The following NRF1 variants were observed in gnomAD, a reference collection of about 807,000 sequenced individuals.
NRF1 encodes alpha palindromic-binding protein.
NRF1 carries 5 observed loss-of-function variants against 58.5 expected under a neutral mutation model. The ratio of observed to expected loss-of-function variants is 0.09; its 90% CI spans 0.04 to 0.18. The LOEUF is 0.18. NRF1 is among the 10% of genes least tolerant of loss of function. The pLI is 1.00. For missense variants in NRF1, 288 were observed against 657.7 expected (o/e 0.44, Z 6.15); for synonymous variants, 224 against 246.7 (o/e 0.91, Z 0.86).
chr7:129,752,839 G>A (rs773463159), intron 10 of NRF1, among the ~76,000 whole-genome samples: 2 of 152,216 alleles, frequency 1.3e-5, no homozygotes, highest in South Asian at 4.1e-4. Context: ...TGTAGGCCAA[G>A]GCCTGGCCCT....
chr7:129,716,840 G>A (rs535162224), intron 8 of NRF1, among the ~76,000 whole-genome samples: 7 of 150,704 alleles, frequency 4.6e-5, no homozygotes, highest in Admixed American at 3.3e-4. Flanking sequence ...ATTGCACTCC[G>A]GCTTGGGCGA....
intron 1 of NRF1, among the ~76,000 whole-genome samples, chr7:129,655,316 A>T (rs1395080474): frequency 1.3e-5 from 2 of 152,104 alleles, no homozygotes; most frequent in African/African-American, 4.8e-5. Context: ...GTAATTACTT[A>T]CTAGTTCCAG....
chr7:129,716,344 G>A (rs936460963), intron 8 of NRF1, among the ~76,000 whole-genome samples: 1 of 152,002 alleles, frequency 6.6e-6, no homozygotes, highest in Admixed American at 6.6e-5. Flanking sequence ...TAGACCCTTT[G>A]GACAAAGGGT....
chr7:129,703,932 C>T (rs1802892208), intron 5 of NRF1, among the ~76,000 whole-genome samples: 1 of 152,100 alleles, frequency 6.6e-6, no homozygotes, highest in South Asian at 2.1e-4. Flanking sequence ...ATTTCTCATC[C>T]AGAGATTTCT....
intron 1 of NRF1, among the ~76,000 whole-genome samples, chr7:129,651,239 T>C (rs1471152148): frequency 1.3e-5 from 2 of 151,934 alleles, no homozygotes; most frequent in Admixed American, 6.6e-5. Context: ...CTGGCTGATA[T>C]GGTAAAACCC....
At chr7:129,680,938 A>G (rs973824817) in intron 4 of NRF1, among the ~76,000 whole-genome samples, 2 of 152,230 alleles carry the variant, frequency 1.3e-5, no homozygotes, top group Admixed American at 1.3e-4. Flanking sequence ...TGGTATGACA[A>G]ACTAAATAAT....
chr7:129,714,449 G>A (rs983247324), intron 8 of NRF1, among the ~76,000 whole-genome samples: 2 of 152,174 alleles, frequency 1.3e-5, no homozygotes, highest in African/African-American at 4.8e-5. Flanking sequence ...CTAGCAGTAG[G>A]CAACAGCACT....
At chr7:129,650,598 G>A (rs969772466) in intron 1 of NRF1, among the ~76,000 whole-genome samples, 1 of 152,080 alleles carries the variant, frequency 6.6e-6, no homozygotes, top group African/African-American at 2.4e-5. Flanking sequence ...GGGTAGAATC[G>A]GGAAGACATA....
At chr7:129,644,604 C>T (rs994616004) in intron 1 of NRF1, among the ~76,000 whole-genome samples, 1 of 152,116 alleles carries the variant, frequency 6.6e-6, no homozygotes, top group Admixed American at 6.5e-5. Flanking sequence ...GTCAGTAGTC[C>T]ACATGTCCAG....
chr7:129,717,284 G>A lies in NRF1; in HGVS notation c.1131G>A (p.Glu377=). The change falls in exon 9 of 11, where the codon GAG becomes GAA. Residue 377 remains glutamate (E), a synonymous_variant. Coordinates refer to ENST00000393232, the MANE Select transcript of NRF1 (RefSeq NM_005011.5). ...CCATCCAGACGACGCAAGCATCAGA[G>A]GCCACCCAGGCGGTGGCATCGTTGG... ...EMTIQTTQAS[E]ATQAVASLAE... 1.2e-6 allele frequency: 2 copies of A among 1,613,970 alleles called. No individual in the cohort carries two copies. The highest frequency in any genetic ancestry group is 1.7e-6 in the Non-Finnish European group (2 of 1,179,916).
chr7:129,647,225 G>T (rs10274906), intron 1 of NRF1, among the ~76,000 whole-genome samples: 28,351 of 151,808 alleles, frequency 0.19, 2,913 homozygotes, highest in East Asian at 0.47. Context: ...CTTTAGTAGA[G>T]ACGGGGTTTT....
chr7:129,639,169 C>T (rs892486719), intron 1 of NRF1, among the ~76,000 whole-genome samples: 5 of 152,116 alleles, frequency 3.3e-5, no homozygotes, highest in Non-Finnish European at 5.9e-5. Context: ...TACTGATCCT[C>T]CCTTCTCAGC....
chr7:129,709,119 A>G lies in NRF1; in HGVS notation c.651A>G (p.Thr217=), dbSNP rs1337287115. ...TCCCAGAGATGCTCAAGTACTCTAC[A>G]GGTCGGGGAAAACCAGGCTGGGGGA... ...AFIPEMLKYS[T]GRGKPGWGKE... The change falls in exon 6 of 11, where the codon ACA becomes ACG. Residue 217 remains threonine, a synonymous_variant. Transcript: ENST00000393232. 2.5e-6 allele frequency: 4 copies of G among 1,596,322 alleles called. No homozygotes were observed. The Admixed American group carries it at 5.2e-5, about 21-fold the overall frequency.
intron 5 of NRF1, among the ~76,000 whole-genome samples, chr7:129,705,517 C>T (rs1802928482): frequency 1.3e-5 from 2 of 152,172 alleles, no homozygotes; most frequent in African/African-American, 4.8e-5. Flanking sequence ...TCTCAAATTC[C>T]TGACCTCAGG....
chr7:129,752,938 T>C (rs1049192112), intron 10 of NRF1, among the ~76,000 whole-genome samples: 2 of 152,190 alleles, frequency 1.3e-5, no homozygotes, highest in Non-Finnish European at 2.9e-5. Flanking sequence ...TGGGGGCGAC[T>C]GGCCACGTCT....
chr7:129,625,976 C>G (rs1234080301), intron 1 of NRF1, among the ~76,000 whole-genome samples: 1 of 152,114 alleles, frequency 6.6e-6, no homozygotes, highest in Non-Finnish European at 1.5e-5. Flanking sequence ...GCCACCACAC[C>G]CAGCCCCATG....
chr7:129,708,559 T>C (rs1215627026), intron 5 of NRF1, among the ~76,000 whole-genome samples: 1 of 152,264 alleles, frequency 6.6e-6, no homozygotes, highest in Non-Finnish European at 1.5e-5. Context: ...AGCCACCTTA[T>C]TGAATTCTCA....
chr7:129,711,328 A>T, intron 7 of NRF1, 147 bp from the exon 8 acceptor site: 1 of 572,724 alleles, frequency 1.7e-6, no homozygotes, highest in Non-Finnish European at 3.1e-6. Context: ...CTATGATTTT[A>T]GTGAGCTATG....
At chr7:129,623,359 A>C (rs746370103) in intron 1 of NRF1, among the ~76,000 whole-genome samples, 8 of 138,592 alleles carry the variant, frequency 5.8e-5, no homozygotes, top group Non-Finnish European at 1.1e-4. Flanking sequence ...ATAGTATAAT[A>C]CAGTAGTGTT....
Sources: gnomAD v4.1 joint callset for allele counts (sites outside exome capture counted in the v4.1 genomes callset) on GRCh38, gnomAD v4.1.1 for gene constraint, MANE v1.5 for transcripts, NCBI Gene and HGNC (gene_info 2026-07-23, HGNC 2026-07-21) for gene names.